The following APOL4 variants were observed in gnomAD, a reference collection of about 807,000 sequenced individuals.
APOL4 encodes apolipoprotein L, 4.
APOL4 carries 14 observed loss-of-function variants against 12.1 expected under a neutral mutation model. The observed-to-expected ratio is 1.16, with a 90% CI of 0.76 to 1.81. APOL4 has a LOEUF of 1.81. APOL4 is among the 40% of genes most tolerant of loss of function. The probability of loss-of-function intolerance (pLI) is 0.00; values close to 1 mark genes in which losing one functional copy is unlikely to be tolerated. For synonymous variants in APOL4, 171 were observed against 160.6 expected (o/e 1.06, Z -0.49); for missense variants, 432 against 423.1 (o/e 1.02, Z -0.18).
intron 3 of APOL4, among the ~76,000 whole-genome samples, chr22:36,192,339 C>CAA (rs978631474): frequency 6.6e-6 from 1 of 151,178 alleles, no homozygotes; most frequent in African/African-American, 2.4e-5. Flanking sequence ...GACTCCATCT[C>CAA]AAAAAAAAAT....
At chr22:36,203,778 G>C (rs1412789497), upstream of APOL4, among the ~76,000 whole-genome samples, 1 of 152,200 alleles carries the variant, frequency 6.6e-6, no homozygotes, top group Non-Finnish European at 1.5e-5. Context: ...TCTCTGCAGG[G>C]GGAAGCACAT....
At chr22:36,191,979 A>T (rs1299048074) in intron 3 of APOL4, 67 bp from the exon 4 acceptor site, 2 of 1,290,886 alleles carry the variant, frequency 1.5e-6, no homozygotes, top group East Asian at 2.3e-5. Context: ...GCTCAATAAG[A>T]TCTATTCTGC....
upstream of APOL4, among the ~76,000 whole-genome samples, chr22:36,202,493 C>A (rs978641235): frequency 1.3e-5 from 2 of 152,078 alleles, no homozygotes; most frequent in African/African-American, 4.8e-5. Flanking sequence ...TTTGGGAGGC[C>A]GAGGCAGGCA....
At chr22:36,194,247 C>T (rs2014339837) in intron 3 of APOL4, among the ~76,000 whole-genome samples, 1 of 152,152 alleles carries the variant, frequency 6.6e-6, no homozygotes, top group South Asian at 2.1e-4. Flanking sequence ...CAGAACTCCC[C>T]ATTTCCCAGG....
chr22:36,192,126 G>T (rs1383779660), intron 3 of APOL4, among the ~76,000 whole-genome samples: 1 of 152,156 alleles, frequency 6.6e-6, no homozygotes, highest in African/African-American at 2.4e-5. Context: ...GGATCACAAG[G>T]TCAGGAGATC....
At chr22:36,203,893 C>G (rs1028172491), upstream of APOL4, among the ~76,000 whole-genome samples, 3 of 152,148 alleles carry the variant, frequency 2.0e-5, no homozygotes, top group Non-Finnish European at 4.4e-5. Flanking sequence ...ATCTTTTATT[C>G]CGTAGCAATA....
intron 2 of APOL4, chr22:36,197,747 CA>C (rs773345300): frequency 7.7e-5 from 120 of 1,550,546 alleles, no homozygotes; most frequent in Non-Finnish European, 1.0e-4. Context: ...ACAAGAACTC[CA>C]GGCAGCAGGT....
chr22:36,195,404 T>C lies in APOL4; in HGVS notation c.116A>G (p.Tyr39Cys), dbSNP rs2014375955. ...KKRFTEEVIEYFQKKVSPVHL... is the reference protein window; with the variant it reads ...KKRFTEEVIECFQKKVSPVHL... ...CACTGGGCTAACTTTCTTCTGGAAG[T>C]ATTCAATGACTTCTTCAGTGAAGCG... is the stretch of plus-strand genomic sequence containing the variant. Residue 39 changes from tyrosine (Y) to cysteine (C), a missense_variant, in exon 3 of 4, where the codon TAC becomes TGC. Transcript: ENST00000683024. 2.5e-6 allele frequency: 4 copies of C among 1,613,954 alleles called. No homozygotes were observed. The highest frequency in any genetic ancestry group is 1.7e-4 in the Middle Eastern group (1 of 6,056).
intron 2 of APOL4, 103 bp downstream of exon 2, chr22:36,199,227 T>G (rs573064488): frequency 6.7e-7 from 1 of 1,499,758 alleles, no homozygotes; most frequent in Admixed American, 1.7e-5. Flanking sequence ...CCGTTGGGGC[T>G]CACTCAGCCT....
chr22:36,195,524 T>C (rs1158569234), intron 2 of APOL4, 87 bp from the exon 3 acceptor site: 30 of 1,459,764 alleles, frequency 2.1e-5, no homozygotes, highest in Non-Finnish European at 6.5e-6. Flanking sequence ...GTGTTAATCC[T>C]CCTGAACCAG....
In APOL4 at chr22:36,191,099, G is replaced by A. The variant is rs747825153; in HGVS notation, c.1023C>T (p.Ile341=). Residue 341 remains isoleucine, a synonymous_variant, in exon 4 of 4, where the codon ATC becomes ATT. Transcript: ENST00000683024. ...LEENLNELTH[I]HQSLKAG is the part of the protein sequence containing the mutation. ...CCTAGCCTGCTTTTAGACTCTGATG[G>A]ATATGGGTGAGCTCATTGAGATTCT... The A allele has an allele frequency of 6.2e-7, 1 of 1,606,412 alleles. No individual in the cohort carries two copies. Among genetic ancestry groups the A allele is most frequent in the South Asian group, 1.1e-5 (1 of 89,780 alleles).
In APOL4 at chr22:36,189,514, G is replaced by C. The variant is rs2014185515; in HGVS notation, c.*1561C>G. ...GGGAGAGTGGATGCTGGTAAGACAG[G>C]GTGAGAGACCATCACCAGGGAAGGA... On this transcript the variant is annotated 3_prime_UTR_variant, in exon 4 of 4. Coordinates refer to ENST00000683024, the MANE Select transcript of APOL4 (RefSeq NM_001386885.1). The C allele has an allele frequency of 6.6e-6, 1 of 152,226 alleles. No homozygotes were observed. The highest frequency in any genetic ancestry group is 2.4e-5 in the African/African-American group (1 of 41,422). The allele number at this position is 152,226 out of a possible 1,614,324, so 9.4% of individuals were successfully genotyped here.
In APOL4 at chr22:36,191,608, C is replaced by T; in HGVS notation, c.514G>A (p.Gly172Arg). The T allele has an allele frequency of 6.2e-7, 1 of 1,613,588 alleles. No homozygotes were observed. Among genetic ancestry groups the T allele is most frequent in the Non-Finnish European group, 8.5e-7 (1 of 1,179,668 alleles). The change falls in exon 4 of 4, where the codon GGG becomes AGG. Residue 172 changes from glycine to arginine, a missense_variant. Transcript: ENST00000683024. ...GCAGATGCTATTCCCAGCCCTACCC[C>T]AGCTGCAGTAATGCTCAGGCTCAGC... The part of the protein sequence containing the change: ...AGLSLSITAA[G>R]VGLGIASATA...
At chr22:36,194,508 G>A (rs2014347799) in intron 3 of APOL4, among the ~76,000 whole-genome samples, 1 of 152,138 alleles carries the variant, frequency 6.6e-6, no homozygotes, top group Non-Finnish European at 1.5e-5. Context: ...CCCTGGCAAT[G>A]TCTCTCTGGG....
At chr22:36,198,639 C>T (rs568837311) in intron 2 of APOL4, among the ~76,000 whole-genome samples, 2 of 152,314 alleles carry the variant, frequency 1.3e-5, no homozygotes, top group South Asian at 4.1e-4. Flanking sequence ...ATGGGAACCA[C>T]CCCTTAGGGA....
In APOL4 at chr22:36,190,667, T is replaced by G; in HGVS notation, c.*408A>C. The G allele has an allele frequency of 5.8e-6, 1 of 172,510 alleles. No homozygotes were observed. Among genetic ancestry groups the G allele is most frequent in the South Asian group, 1.4e-4 (1 of 7,134 alleles). The allele number at this position is 172,510 out of a possible 1,614,324, so 10.7% of individuals were successfully genotyped here. On this transcript the variant is annotated 3_prime_UTR_variant, in exon 4 of 4. Coordinates refer to ENST00000683024, the MANE Select transcript of APOL4 (RefSeq NM_001386885.1). ...ACCAGGCTCACTGTTGGTCAGAGTT[T>G]AAGGTTATCTCTCTTATTCCCTGAA...
At chr22:36,197,615 C>G in intron 2 of APOL4, 1 of 1,528,358 alleles carries the variant, frequency 6.5e-7, no homozygotes. Context: ...TGAATCTGAA[C>G]TGGGGTCATA....
At chr22:36,201,333 T>A (rs8138263) in intron 1 of APOL4, among the ~76,000 whole-genome samples, 2 of 146,854 alleles carry the variant, frequency 1.4e-5, no homozygotes, top group African/African-American at 2.6e-5. Context: ...GGTTCCATCC[T>A]CCAGCTCTCA....
intron 2 of APOL4, chr22:36,197,503 T>C: frequency 7.6e-7 from 1 of 1,309,740 alleles, no homozygotes; most frequent in Non-Finnish European, 1.0e-6. Context: ...TGGTGAATAT[T>C]AAAGCAAAAT....
Sources: allele counts gnomAD v4.1 joint callset (sites outside exome capture counted in the v4.1 genomes callset), GRCh38; gene constraint gnomAD v4.1.1; transcripts MANE v1.5; gene names NCBI Gene and HGNC (gene_info 2026-07-23, HGNC 2026-07-21).